SPEF2: variants seen among roughly 807,000 people sequenced by gnomAD.
The protein encoded by SPEF2 is sperm flagella and cilia-associated protein 2.
A neutral mutation model predicts 224.6 loss-of-function variants in SPEF2; 187 were observed. The ratio of observed to expected loss-of-function variants is 0.83; its 90% CI spans 0.74 to 0.94. The LOEUF is 0.94. SPEF2 is among the 40% of genes least tolerant of loss of function. The pLI is 0.00. For missense variants in SPEF2, 2,170 were observed against 2,135.6 expected, an observed-to-expected ratio of 1.02 and a Z score of -0.32; for synonymous variants, 715 against 707.3, an observed-to-expected ratio of 1.01 and a Z score of -0.17.
At chr5:35,682,143 G>A (rs1013155) in intron 10 of SPEF2, among the ~76,000 whole-genome samples, 16,322 of 152,112 alleles carry the variant, frequency 0.11, 1,551 homozygotes, top group African/African-American at 0.25. Flanking sequence ...GGGAAAGCTA[G>A]CCATAGATCA....
At chr5:35,703,703 A>G (rs1159825215) in intron 16 of SPEF2, among the ~76,000 whole-genome samples, 3 of 152,124 alleles carry the variant, frequency 2.0e-5, no homozygotes, top group Non-Finnish European at 2.9e-5. Context: ...TCCCAATAAG[A>G]GCACTCCCAC....
At chr5:35,641,734 A>G (rs1746652533) in intron 3 of SPEF2, 51 bp downstream of exon 3, 1 of 1,557,002 alleles carries the variant, frequency 6.4e-7, no homozygotes, top group African/African-American at 1.4e-5. Context: ...AAATTTGATA[A>G]AGAGAAATGA....
intron 10 of SPEF2, among the ~76,000 whole-genome samples, chr5:35,681,072 C>G (rs540337914): frequency 1.3e-5 from 2 of 152,290 alleles, no homozygotes; most frequent in East Asian, 1.9e-4. Context: ...ATTACCTAAC[C>G]TCTCACTAAC....
Position 35,700,623 on chromosome 5 carries a change from C to A in SPEF2, c.2269C>A (p.Gln757Lys). 1 of 1,613,916 alleles carries A rather than the reference C, an allele frequency of 6.2e-7. No individual in the cohort carries two copies. The highest frequency in any genetic ancestry group is 8.5e-7 in the Non-Finnish European group (1 of 1,179,924). Residue 757 changes from glutamine (Q) to lysine (K), a missense_variant, in exon 16 of 37, where the codon CAA (glutamine) becomes AAA (lysine). Transcript: ENST00000356031. ...NLTEVERKKA[Q>K]KSTLAIDPAT... Reference sequence around the variant, plus strand: ...CACAGAAGTGGAAAGAAAAAAAGCACAAAAATCCACATTGGCTATTGATCC... The same window carrying A: ...CACAGAAGTGGAAAGAAAAAAAGCAAAAAAATCCACATTGGCTATTGATCC...
chr5:35,648,350 C>G (rs1747696967), intron 5 of SPEF2, among the ~76,000 whole-genome samples: 1 of 151,216 alleles, frequency 6.6e-6, no homozygotes, highest in African/African-American at 2.4e-5. Flanking sequence ...TCATATGTCC[C>G]TGAGTTGATT....
intron 13 of SPEF2, 48 bp downstream of exon 13, chr5:35,694,411 C>A: frequency 6.7e-7 from 1 of 1,482,902 alleles, no homozygotes. Context: ...GAGAGAGAAA[C>A]AATGAGAGCA....
At chr5:35,679,085 C>T (rs137952548) in intron 10 of SPEF2, among the ~76,000 whole-genome samples, 145 of 152,256 alleles carry the variant, frequency 9.5e-4, no homozygotes, top group African/African-American at 3.2e-3. Context: ...TACTACTTTC[C>T]CATGGAGTAT....
Position 35,632,455 on chromosome 5 carries a change from T to C in SPEF2, c.161+3893T>C, listed in dbSNP as rs115447975. On this transcript the variant is annotated intron_variant, in intron 2 of 36. Transcript: ENST00000356031. ...ACCAACATGGGGGAAGCTGTCTCCA[T>C]GATCCAATCACCTCCCACCAGGTAT... 9.0e-3 allele frequency among the ~76,000 whole-genome samples: 1,368 copies of C among 152,308 alleles called. 15 individuals carry two copies. The highest frequency in any genetic ancestry group is 0.013 in the Admixed American group (204 of 15,302).
At chr5:35,765,334 C>A (rs933021588) in intron 26 of SPEF2, among the ~76,000 whole-genome samples, 2 of 152,052 alleles carry the variant, frequency 1.3e-5, no homozygotes, top group African/African-American at 4.8e-5. Context: ...ATTTAACCAG[C>A]CTGCTTTTGA....
chr5:35,771,933 C>T (rs1561339835), intron 27 of SPEF2, among the ~76,000 whole-genome samples, 177 bp downstream of exon 27: 1 of 150,924 alleles, frequency 6.6e-6, no homozygotes, highest in Admixed American at 6.6e-5. Flanking sequence ...ATATTGCATA[C>T]CAAGCCCACC....
chr5:35,659,730 C>CT (rs922263765), intron 8 of SPEF2, among the ~76,000 whole-genome samples: 19 of 150,782 alleles, frequency 1.3e-4, no homozygotes, highest in African/African-American at 4.1e-4. Flanking sequence ...TGAGTCATTA[C>CT]TTTTTTTTTA....
chr5:35,763,447 A>G, intron 25 of SPEF2, 75 bp from the exon 26 acceptor site: 1 of 1,355,732 alleles, frequency 7.4e-7, no homozygotes, highest in Non-Finnish European at 9.8e-7. Context: ...TAAAATTTAC[A>G]AAGTAACATG....
intron 36 of SPEF2, chr5:35,807,568 C>T: frequency 7.3e-7 from 1 of 1,369,212 alleles, no homozygotes. Flanking sequence ...TTCCTCCTGC[C>T]AAAGAGAACT....
At chr5:35,794,313 C>T in intron 32 of SPEF2, among the ~76,000 whole-genome samples, 1 of 152,184 alleles carries the variant, frequency 6.6e-6, no homozygotes, top group East Asian at 1.9e-4. Context: ...CAGAGTAATA[C>T]TTTCCAGGTG....
At chr5:35,665,988 A>G (rs1750415140) in intron 8 of SPEF2, among the ~76,000 whole-genome samples, 1 of 152,188 alleles carries the variant, frequency 6.6e-6, no homozygotes, top group Non-Finnish European at 1.5e-5. Flanking sequence ...ATAGTATCAT[A>G]ATAGGAAATA....
chr5:35,767,500 A>G (rs896145435), intron 26 of SPEF2, among the ~76,000 whole-genome samples: 8 of 152,004 alleles, frequency 5.3e-5, no homozygotes, highest in Non-Finnish European at 1.0e-4. Context: ...TATTTGGTCA[A>G]TAATTCATGG....
At chr5:35,623,067 A>G (rs1050104724) in intron 1 of SPEF2, among the ~76,000 whole-genome samples, 1 of 152,224 alleles carries the variant, frequency 6.6e-6, no homozygotes, top group Admixed American at 6.5e-5. Flanking sequence ...ATTTGTTGTA[A>G]CAAGGGAGAA....
chr5:35,696,260 C>T (rs1289612067), intron 14 of SPEF2, among the ~76,000 whole-genome samples: 1 of 152,076 alleles, frequency 6.6e-6, no homozygotes, highest in Non-Finnish European at 1.5e-5. Context: ...ATAAAATGAC[C>T]AGACTAAATC....
intron 5 of SPEF2, among the ~76,000 whole-genome samples, chr5:35,648,236 C>T (rs958830677): frequency 1.7e-4 from 26 of 149,230 alleles, no homozygotes; most frequent in African/African-American, 6.6e-4. Context: ...TACATTAATT[C>T]ACTTTTTTTT....
Sources: allele counts gnomAD v4.1 joint callset (sites outside exome capture counted in the v4.1 genomes callset), GRCh38; gene constraint gnomAD v4.1.1; transcripts MANE v1.5; gene names NCBI Gene and HGNC (gene_info 2026-07-23, HGNC 2026-07-21).